MECOM: variants seen among roughly 807,000 people sequenced by gnomAD.
MECOM encodes MDS1 and EVI1 complex locus.
Under a neutral mutation model 116.3 loss-of-function variants are expected in MECOM, and 13 were observed. The observed-to-expected ratio is 0.11, with a 90% CI of 0.07 to 0.18. The LOEUF (loss-of-function observed/expected upper bound fraction) is 0.18, where lower values mean the gene tolerates loss of function less well. Ranked by LOEUF, MECOM falls within the 10% of genes least tolerant of loss-of-function variation. MECOM has a pLI of 1.00. For synonymous variants in MECOM, 528 were observed against 535.2 expected, an observed-to-expected ratio of 0.99 and a Z score of 0.19; for missense variants, 1,299 against 1,509.0, an observed-to-expected ratio of 0.86 and a Z score of 2.31.
intron 2 of MECOM, among the ~76,000 whole-genome samples, chr3:169,378,459 A>G (rs570908181): frequency 0.026 from 1,529 of 59,870 alleles, 165 homozygotes; most frequent in African/African-American, 0.084. Flanking sequence ...GAAGGAAAGC[A>G]AGCAAGCAAG....
intron 1 of MECOM, among the ~76,000 whole-genome samples, chr3:169,418,382 C>A (rs905173713): frequency 6.6e-6 from 1 of 152,116 alleles, no homozygotes; most frequent in Non-Finnish European, 1.5e-5. Flanking sequence ...AGAGGGACTC[C>A]TCCCTAACTC....
At chr3:169,435,986 T>C (rs1343106381) in intron 1 of MECOM, among the ~76,000 whole-genome samples, 1 of 152,200 alleles carries the variant, frequency 6.6e-6, no homozygotes, top group East Asian at 1.9e-4. Flanking sequence ...CCTGGATGTT[T>C]ACAAGATTAT....
intron 2 of MECOM, among the ~76,000 whole-genome samples, chr3:169,378,473 GCAAGAA>G (rs1384207251): frequency 0.05 from 2,376 of 47,784 alleles, 377 homozygotes; most frequent in African/African-American, 0.1. Context: ...AAGCAAGCAA[GCAAGAA>G]AGAGAGAGAG....
At chr3:169,307,836 C>T (rs1278356616) in intron 2 of MECOM, among the ~76,000 whole-genome samples, 2 of 152,108 alleles carry the variant, frequency 1.3e-5, no homozygotes, top group Admixed American at 6.6e-5. Flanking sequence ...TTGAATACGA[C>T]CCAAACATCT....
chr3:169,403,384 G>A (rs947254711), intron 1 of MECOM, among the ~76,000 whole-genome samples: 1 of 152,152 alleles, frequency 6.6e-6, no homozygotes, highest in African/African-American at 2.4e-5. Context: ...TGTAATTTAG[G>A]TCCAACATCC....
intron 1 of MECOM, among the ~76,000 whole-genome samples, chr3:169,417,761 T>C (rs1738925803): frequency 1.3e-5 from 2 of 152,044 alleles, no homozygotes; most frequent in South Asian, 4.1e-4. Context: ...ATATACACCA[T>C]GGAATACTAT....
chr3:169,441,897 ATGTTT>A (rs1449168080), intron 1 of MECOM, among the ~76,000 whole-genome samples: 1 of 149,840 alleles, frequency 6.7e-6, no homozygotes, highest in Non-Finnish European at 1.5e-5. Flanking sequence ...CGCCTGGCTA[ATGTTT>A]TGTTTTGTTT....
intron 2 of MECOM, among the ~76,000 whole-genome samples, chr3:169,351,177 C>T (rs1726258949): frequency 6.6e-6 from 1 of 151,772 alleles, no homozygotes; most frequent in Admixed American, 6.6e-5. Flanking sequence ...TCTTTTGTTT[C>T]TTAATATAGA....
chr3:169,547,923 C>T (rs780098294), intron 1 of MECOM, among the ~76,000 whole-genome samples: 2 of 152,092 alleles, frequency 1.3e-5, no homozygotes, highest in African/African-American at 2.4e-5. Context: ...ACAATAGACT[C>T]GCCTCAGAGC....
intron 2 of MECOM, among the ~76,000 whole-genome samples, chr3:169,308,631 C>T (rs545597957): frequency 6.6e-6 from 1 of 152,142 alleles, no homozygotes; most frequent in African/African-American, 2.4e-5. Context: ...ATTTGTCAAT[C>T]GTCACTTAAG....
At chr3:169,270,674 G>A (rs1181044305) in intron 2 of MECOM, among the ~76,000 whole-genome samples, 1 of 151,836 alleles carries the variant, frequency 6.6e-6, no homozygotes, top group African/African-American at 2.4e-5. Context: ...CATTCAGTAG[G>A]GTTTTTGTTG....
chr3:169,476,006 C>T (rs368128037), intron 1 of MECOM, among the ~76,000 whole-genome samples: 40 of 152,234 alleles, frequency 2.6e-4, no homozygotes, highest in East Asian at 2.5e-3. Context: ...TGCCACTTTT[C>T]GCAGCTTTGT....
intron 2 of MECOM, among the ~76,000 whole-genome samples, chr3:169,312,078 T>A (rs10936577): frequency 6.6e-6 from 1 of 151,834 alleles, no homozygotes; most frequent in South Asian, 2.1e-4. Context: ...CATTTGACTC[T>A]GAGTTGGGAC....
intron 1 of MECOM, among the ~76,000 whole-genome samples, chr3:169,408,888 T>C (rs1283651152): frequency 6.6e-6 from 1 of 152,174 alleles, no homozygotes; most frequent in Non-Finnish European, 1.5e-5. Flanking sequence ...TAAAGTGTCT[T>C]ATTCAACACA....
intron 5 of MECOM, among the ~76,000 whole-genome samples, chr3:169,127,446 A>G (rs895918424): frequency 2.0e-5 from 3 of 152,166 alleles, no homozygotes; most frequent in African/African-American, 7.2e-5. Context: ...TTTACCTGTC[A>G]TTAAGTGAAT....
intron 1 of MECOM, among the ~76,000 whole-genome samples, chr3:169,641,287 G>A (rs565953822): frequency 6.6e-6 from 1 of 152,298 alleles, no homozygotes; most frequent in South Asian, 2.1e-4. Flanking sequence ...AGTTACCTCA[G>A]GACAGGATCG....
chr3:169,658,578 A>C (rs1338593259), intron 1 of MECOM, among the ~76,000 whole-genome samples: 4 of 152,134 alleles, frequency 2.6e-5, no homozygotes, highest in African/African-American at 9.7e-5. Context: ...TTCTGGCCAA[A>C]CCTTGGAGCC....
intron 2 of MECOM, among the ~76,000 whole-genome samples, chr3:169,163,445 T>C (rs1453485936): frequency 6.6e-6 from 1 of 152,162 alleles, no homozygotes; most frequent in Non-Finnish European, 1.5e-5. Context: ...TAATAGACAC[T>C]GGCAAGATGA....
rs149664846 is a variant in MECOM, at chr3:169,650,309, T to A, written c.37+13027A>T. ...ATTTTTTAAAGAACATCAAAAAAGTTTTGGTGGGTCTAGTAGCATCAGTTG... is the reference window on the plus strand; with the variant it reads ...ATTTTTTAAAGAACATCAAAAAAGTATTGGTGGGTCTAGTAGCATCAGTTG... On this transcript the variant is annotated intron_variant, in intron 1 of 16. Coordinates refer to ENST00000651503, the MANE Select transcript of MECOM (RefSeq NM_004991.4). Among the ~76,000 whole-genome samples the A allele has an allele frequency of 4.1e-4, 63 of 152,276 alleles. No homozygotes were observed. The East Asian group carries it at 0.01, about 25-fold the overall frequency.
Sources: allele counts gnomAD v4.1 joint callset (sites outside exome capture counted in the v4.1 genomes callset), GRCh38; gene constraint gnomAD v4.1.1; transcripts MANE v1.5; gene names NCBI Gene and HGNC (gene_info 2026-07-23, HGNC 2026-07-21).